TPR: variants seen among roughly 807,000 people sequenced by gnomAD.
The protein encoded by TPR is translocated promoter region, nuclear basket protein, also known as nucleoprotein TPR.
Under a neutral mutation model 316.1 loss-of-function variants are expected in TPR, and 51 were observed. That is an observed-to-expected ratio of 0.16 (90% CI 0.13 to 0.20). The LOEUF is 0.20. Among genes scored for constraint, TPR ranks in the 10% least tolerant of loss-of-function variants. TPR has a pLI of 1.00. For synonymous variants in TPR, 981 were observed against 914.7 expected, an observed-to-expected ratio of 1.07 and a Z score of -1.31; for missense variants, 2,272 against 2,754.8, an observed-to-expected ratio of 0.82 and a Z score of 3.92.
At chr1:186,354,996 T>C (rs1658979474) in intron 17 of TPR, among the ~76,000 whole-genome samples, 1 of 152,158 alleles carries the variant, frequency 6.6e-6, no homozygotes, top group Admixed American at 6.5e-5. Context: ...CACTGCCTCC[T>C]GGGCTCAAGT....
At chr1:186,330,639 C>T (rs1304630824) in intron 39 of TPR, among the ~76,000 whole-genome samples, 1 of 151,972 alleles carries the variant, frequency 6.6e-6, no homozygotes, top group African/African-American at 2.4e-5. Flanking sequence ...TAATAAGGAC[C>T]CTGTGAGGCA....
rs1658878513 is a variant in TPR at position 186,352,075 on chromosome 1, C to A, written c.2370G>T (p.Met790Ile). The stretch of plus-strand genomic sequence containing the variant: ...AAAGACGAACTTCAGACAATTTAAG[C>A]ATTTCCTTTTCCTTCTTCAAATTTT... The part of the protein sequence containing the change: ...RAENLKKEKE[M>I]LKLSEVRLSQ... Residue 790 changes from methionine (M) to isoleucine (I), a missense_variant, in exon 19 of 51, where the codon ATG (methionine) becomes ATT (isoleucine). By Grantham distance (10) the Met-to-Ile change is conservative. Transcript: ENST00000367478. 1.2e-6 allele frequency: 2 copies of A among 1,606,844 alleles called. No individual in the cohort carries two copies. The highest frequency in any genetic ancestry group is 1.7e-6 in the Non-Finnish European group (2 of 1,177,780).
chr1:186,364,644 GATA>G (rs560066662), intron 4 of TPR, among the ~76,000 whole-genome samples: 8 of 152,186 alleles, frequency 5.3e-5, no homozygotes, highest in Non-Finnish European at 1.0e-4. Context: ...AGGATGGTTT[GATA>G]ATTTTAGAAA....
In TPR at chr1:186,318,511, T is replaced by C. The variant is rs371175710; in HGVS notation, c.6757A>G (p.Thr2253Ala). 3 of 1,613,982 alleles carry C rather than the reference T, an allele frequency of 1.9e-6. No homozygotes were observed. The highest frequency in any genetic ancestry group is 1.7e-6 in the Non-Finnish European group (2 of 1,180,032). ...MVTTSTGTLS[T>A]TNETATGDDG... ...TCACCTGTTGCTGTTTCATTTGTTG[T>C]AGATAAAGTGCCAGTGGATGTAGTC... Residue 2253 changes from threonine (T) to alanine (A), a missense_variant, in exon 48 of 51, where the codon ACA (threonine) becomes GCA (alanine). By Grantham distance (58) the Thr-to-Ala change is moderately conservative. Coordinates refer to ENST00000367478, the MANE Select transcript of TPR (RefSeq NM_003292.3).
intron 27 of TPR, chr1:186,341,973 T>A (rs79894027): frequency 1.0e-5 from 1 of 95,996 alleles, no homozygotes; most frequent in East Asian, 2.5e-4. Flanking sequence ...ACTATTATAA[T>A]TTTTTTTTTT....
chr1:186,322,627 T>G, intron 43 of TPR, 41 bp from the exon 44 acceptor site: 1 of 1,601,592 alleles, frequency 6.2e-7, no homozygotes, highest in African/African-American at 1.3e-5. Context: ...CTTTAAGAAA[T>G]GAGGCAATGA....
intron 36 of TPR, among the ~76,000 whole-genome samples, chr1:186,333,870 G>A (rs990658982): frequency 6.6e-6 from 1 of 152,104 alleles, no homozygotes; most frequent in African/African-American, 2.4e-5. Context: ...GAAATATGCA[G>A]GTAGCAAAGT....
intron 48 of TPR, among the ~76,000 whole-genome samples, chr1:186,317,933 T>C (rs1386962791): frequency 6.6e-6 from 1 of 152,144 alleles, no homozygotes; most frequent in African/African-American, 2.4e-5. Flanking sequence ...CAAAACAACA[T>C]TTTAGGAAAG....
At chr1:186,373,750 T>C (rs1296777262) in intron 1 of TPR, among the ~76,000 whole-genome samples, 1 of 152,250 alleles carries the variant, frequency 6.6e-6, no homozygotes, top group African/African-American at 2.4e-5. Flanking sequence ...ATCTTAGTAT[T>C]TTCTCCAGAC....
Position 186,327,625 on chromosome 1 carries a change from G to A in TPR, c.5724C>T (p.Asp1908=), listed in dbSNP as rs745632743. Residue 1908 remains aspartate (D), a synonymous_variant, in exon 40 of 51, where the codon GAC becomes GAT. Transcript: ENST00000367478. ...VTQGDYTPME[D]SEETSQSLQI... ...GTAGAGACTGAGAGGTTTCTTCACT[G>A]TCTTCCATAGGTGTATAATCTCCCT... 6.2e-7 allele frequency: 1 copy of A among 1,613,026 alleles called. No individual in the cohort carries two copies. The highest frequency in any genetic ancestry group is 1.7e-5 in the Admixed American group (1 of 59,810).
intron 13 of TPR, 129 bp from the exon 14 acceptor site, chr1:186,357,752 A>C: frequency 1.4e-6 from 1 of 720,198 alleles, no homozygotes; most frequent in Admixed American, 3.2e-5. Context: ...AATTATCTTT[A>C]AAAATAAAGC....
At chr1:186,348,243 G>T (rs1658741086) in intron 21 of TPR, among the ~76,000 whole-genome samples, 1 of 152,134 alleles carries the variant, frequency 6.6e-6, no homozygotes, top group Non-Finnish European at 1.5e-5. Context: ...GCGTCCCTGG[G>T]GGGAGGTCTA....
intron 40 of TPR, 29 bp from the exon 41 acceptor site, chr1:186,326,264 A>G (rs2102056812): frequency 1.3e-6 from 2 of 1,578,842 alleles, no homozygotes; most frequent in Admixed American, 1.8e-5. Flanking sequence ...GGCATAAATA[A>G]AAGTTTAGAA....
chr1:186,366,073 C>T (rs1166104713), intron 4 of TPR, among the ~76,000 whole-genome samples: 2 of 152,170 alleles, frequency 1.3e-5, no homozygotes, highest in Non-Finnish European at 2.9e-5. Flanking sequence ...TACATGGGCA[C>T]TGAAACTATA....
chr1:186,362,439 C>T, intron 6 of TPR, 59 bp from the exon 7 acceptor site: 4 of 1,368,130 alleles, frequency 2.9e-6, no homozygotes, highest in Non-Finnish European at 4.1e-6. Context: ...ATTACTCTGA[C>T]ATGAGGTTTA....
chr1:186,336,951 C>A, intron 32 of TPR, 62 bp downstream of exon 32: 2 of 1,600,454 alleles, frequency 1.2e-6, no homozygotes, highest in Non-Finnish European at 1.7e-6. Context: ...CAGTAGTTAA[C>A]ACATATTTCT....
chr1:186,351,566 A>ATTT, intron 19 of TPR, 96 bp from the exon 20 acceptor site: 1 of 1,324,126 alleles, frequency 7.6e-7, no homozygotes, highest in East Asian at 2.6e-5. Flanking sequence ...ATTACAACCC[A>ATTT]TTTCTACATG....
rs192202704 is a variant in TPR at position 186,369,974 on chromosome 1, C to T, written c.330+996G>A. 1.2e-3 allele frequency among the ~76,000 whole-genome samples: 181 copies of T among 152,022 alleles called. 1 individual carries two copies. Among genetic ancestry groups the T allele is most frequent in the African/African-American group, 4.1e-3 (172 of 41,472 alleles). ...CTCGGTTACAGATCCATAGTTTTTA[C>T]AAGATTTATAAAGATTTTGTGACAG... On this transcript the variant is annotated intron_variant, in intron 3 of 50. Transcript: ENST00000367478.
Position 186,375,102 on chromosome 1 carries a change from G to T in TPR, c.-74C>A. The T allele has an allele frequency of 6.3e-7, 1 of 1,590,952 alleles. No homozygotes were observed. The highest frequency in any genetic ancestry group is 8.6e-7 in the Non-Finnish European group (1 of 1,169,416). ...GGAGAAGAAAGGCGAAGACCAGCAG[G>T]ACCCAGACGCCTGGGCCGCCGCCTC... On this transcript the variant is annotated 5_prime_UTR_variant, in exon 1 of 51. Coordinates refer to ENST00000367478, the MANE Select transcript of TPR (RefSeq NM_003292.3).
Sources: allele counts gnomAD v4.1 joint callset (sites outside exome capture counted in the v4.1 genomes callset), GRCh38; gene constraint gnomAD v4.1.1; transcripts MANE v1.5; gene names NCBI Gene and HGNC (gene_info 2026-07-23, HGNC 2026-07-21).